Variants in CDH13 observed in about 807,000 individuals in gnomAD.
The protein encoded by CDH13 is cadherin-13.
A neutral mutation model predicts 63.8 loss-of-function variants in CDH13; 24 were observed. The observed-to-expected ratio is 0.38, with a 90% CI of 0.27 to 0.53. The LOEUF is 0.53. CDH13 is among the 20% of genes least tolerant of loss of function. CDH13 has a pLI of 0.85. For missense variants in CDH13, 1,049 were observed against 903.1 expected (o/e 1.16, Z -2.07); for synonymous variants, 503 against 355.3 (o/e 1.42, Z -4.67).
chr16:82,935,408 C>G (rs2042636674), intron 2 of CDH13, among the ~76,000 whole-genome samples: 1 of 152,176 alleles, frequency 6.6e-6, no homozygotes, highest in African/African-American at 2.4e-5. Context: ...GGACATAAAG[C>G]CAGACCGTAT....
chr16:82,998,709 A>T (rs72792173), intron 2 of CDH13, among the ~76,000 whole-genome samples: 24,500 of 152,098 alleles, frequency 0.16, 2,364 homozygotes, highest in African/African-American at 0.26. Flanking sequence ...TTATTCATAA[A>T]TGGATTTAGT....
intron 1 of CDH13, among the ~76,000 whole-genome samples, chr16:82,687,623 C>T (rs1418859876): frequency 6.6e-6 from 1 of 152,084 alleles, no homozygotes; most frequent in Non-Finnish European, 1.5e-5. Flanking sequence ...CATGGGAAAA[C>T]CCTGCCCCCG....
chr16:83,057,212 G>C (rs2151515421), intron 3 of CDH13, among the ~76,000 whole-genome samples: 1 of 152,272 alleles, frequency 6.6e-6, no homozygotes, highest in East Asian at 1.9e-4. Context: ...TGATCCACCT[G>C]CCTGGGCCTC....
At chr16:83,131,318 A>G (rs1183553518) in intron 4 of CDH13, among the ~76,000 whole-genome samples, 1 of 151,036 alleles carries the variant, frequency 6.6e-6, no homozygotes, top group Non-Finnish European at 1.5e-5. Flanking sequence ...ACTATCTGTC[A>G]TAGTTTTGGA....
intron 1 of CDH13, among the ~76,000 whole-genome samples, chr16:82,651,863 C>A (rs546122958): frequency 2.6e-5 from 4 of 152,150 alleles, no homozygotes; most frequent in African/African-American, 9.7e-5. Flanking sequence ...GGATTTAGGA[C>A]GGGCTATTGA....
intron 6 of CDH13, among the ~76,000 whole-genome samples, chr16:83,472,033 C>G (rs1598098002): frequency 6.6e-6 from 1 of 152,180 alleles, no homozygotes; most frequent in South Asian, 2.1e-4. Flanking sequence ...TGCTTCTGGG[C>G]CATGCCTCTC....
chr16:83,006,318 A>G (rs1796304023), intron 2 of CDH13, among the ~76,000 whole-genome samples: 1 of 152,218 alleles, frequency 6.6e-6, no homozygotes, highest in African/African-American at 2.4e-5. Context: ...AGAGGAAAAC[A>G]ATTTTGATCC....
intron 1 of CDH13, among the ~76,000 whole-genome samples, chr16:82,670,502 G>A (rs569061294): frequency 2.0e-5 from 3 of 152,146 alleles, no homozygotes; most frequent in Non-Finnish European, 4.4e-5. Flanking sequence ...TGGGTTTATG[G>A]GTAGGGTGAC....
chr16:83,410,804 T>G (rs1325714903), intron 6 of CDH13, among the ~76,000 whole-genome samples: 1 of 152,228 alleles, frequency 6.6e-6, no homozygotes, highest in Non-Finnish European at 1.5e-5. Flanking sequence ...ATTGTTTTCT[T>G]GTGGGATTCA....
chr16:83,793,406 GC>G (rs1212608389), intron 13 of CDH13, among the ~76,000 whole-genome samples: 1 of 152,200 alleles, frequency 6.6e-6, no homozygotes, highest in Non-Finnish European at 1.5e-5. Context: ...ACTGGAGCCA[GC>G]CCCGCAGCTG....
At chr16:83,736,998 C>T (rs1010801171) in intron 10 of CDH13, among the ~76,000 whole-genome samples, 1 of 152,116 alleles carries the variant, frequency 6.6e-6, no homozygotes, top group Non-Finnish European at 1.5e-5. Flanking sequence ...CCAGGGAAGG[C>T]TCGGTGCACG....
At chr16:82,665,247 C>G (rs1481159019) in intron 1 of CDH13, among the ~76,000 whole-genome samples, 1 of 152,248 alleles carries the variant, frequency 6.6e-6, no homozygotes, top group South Asian at 2.1e-4. Context: ...GCAGAGTGCT[C>G]TCTAGTGTCT....
intron 5 of CDH13, among the ~76,000 whole-genome samples, chr16:83,284,858 A>G (rs918483531): frequency 4.6e-5 from 7 of 152,166 alleles, no homozygotes; most frequent in African/African-American, 1.7e-4. Context: ...GAAGGAAACA[A>G]AGACCCAAGT....
Position 83,226,042 on chromosome 16 carries a change from C to G in CDH13, c.636+8545C>G, listed in dbSNP as rs115634166. 3.5e-3 allele frequency among the ~76,000 whole-genome samples: 527 copies of G among 152,306 alleles called. 1 individual carries two copies. The highest frequency in any genetic ancestry group is 0.012 in the African/African-American group (503 of 41,568). On this transcript the variant is annotated intron_variant, in intron 5 of 13. Coordinates refer to ENST00000567109, the MANE Select transcript of CDH13 (RefSeq NM_001257.5). The stretch of plus-strand genomic sequence containing the variant: ...ACACAAACACTTAAAAATAGGAATT[C>G]TGAGAAACAGAATTTAATAAACAAA...
chr16:83,017,004 C>T (rs1223379778), intron 2 of CDH13, among the ~76,000 whole-genome samples: 2 of 151,948 alleles, frequency 1.3e-5, no homozygotes, highest in Admixed American at 6.6e-5. Context: ...GGTGTTGATC[C>T]GTAGGAACTT....
intron 1 of CDH13, among the ~76,000 whole-genome samples, chr16:82,672,768 T>TATACAC (rs373522325): frequency 6.9e-6 from 1 of 144,566 alleles, no homozygotes; most frequent in Non-Finnish European, 1.5e-5. Flanking sequence ...TATATATGTG[T>TATACAC]ACACACACAC....
intron 8 of CDH13, among the ~76,000 whole-genome samples, chr16:83,663,718 T>C (rs2150841967): frequency 6.6e-6 from 1 of 152,322 alleles, no homozygotes; most frequent in East Asian, 1.9e-4. Context: ...AAGTTCTTTC[T>C]GTTCATGGTT....
At chr16:82,684,370 G>A (rs538917323) in intron 1 of CDH13, among the ~76,000 whole-genome samples, 1 of 152,270 alleles carries the variant, frequency 6.6e-6, no homozygotes, top group African/African-American at 2.4e-5. Flanking sequence ...GTCTACAGCT[G>A]GGATAGCAAG....
chr16:82,826,393 T>G (rs1029803490), intron 1 of CDH13: 6 of 152,200 alleles, frequency 3.9e-5, no homozygotes, highest in African/African-American at 1.4e-4. Context: ...TGGTTGTGTG[T>G]TTTTTTATTT....
Sources: allele counts gnomAD v4.1 joint callset (sites outside exome capture counted in the v4.1 genomes callset), GRCh38; gene constraint gnomAD v4.1.1; transcripts MANE v1.5; gene names NCBI Gene and HGNC (gene_info 2026-07-23, HGNC 2026-07-21).